LILRB1: variants seen among roughly 807,000 people sequenced by gnomAD.
The protein encoded by LILRB1 is leukocyte immunoglobulin like receptor B1.
Under a neutral mutation model 74.6 loss-of-function variants are expected in LILRB1, and 59 were observed. That is an observed-to-expected ratio of 0.79 (90% CI 0.64 to 0.98). The LOEUF is 0.98. Among genes scored for constraint, LILRB1 ranks in the 50% least tolerant of loss-of-function variants. The pLI, the probability that LILRB1 is intolerant of heterozygous loss-of-function variation, is 0.00. For synonymous variants in LILRB1, 328 were observed against 333.9 expected (o/e 0.98, Z 0.19); for missense variants, 804 against 822.6 (o/e 0.98, Z 0.28).
intron 9 of LILRB1, 182 bp from the exon 10 acceptor site, chr19:54,634,459 C>A: frequency 6.6e-7 from 1 of 1,510,526 alleles, no homozygotes; most frequent in East Asian, 2.5e-5. Flanking sequence ...GGGCCCCGGG[C>A]AGGCGATTCC....
chr19:54,633,544 G>A (rs935243460), intron 7 of LILRB1, 94 bp from the exon 8 acceptor site: 1 of 1,288,056 alleles, frequency 7.8e-7, no homozygotes, highest in Non-Finnish European at 1.1e-6. Context: ...GAGGGGCCTG[G>A]GGAGGCCACA....
chr19:54,631,227 C>G, intron 2 of LILRB1, 44 bp from the exon 3 acceptor site: 1 of 1,321,080 alleles, frequency 7.6e-7, no homozygotes, highest in East Asian at 2.5e-5. Flanking sequence ...GAGGACCTGC[C>G]CAGGCTTCAG....
Position 54,637,047 on chromosome 19 carries a change from T to A in LILRB1, c.*169T>A. ...TATAAATAACTAATGTCTCTACAAT[T>A]TTGAAATAAAGCAACAGACTTCTCA... On this transcript the variant is annotated 3_prime_UTR_variant, in exon 15 of 15. Transcript: ENST00000324602. 2 of 746,184 alleles carry A rather than the reference T, an allele frequency of 2.7e-6. No homozygotes were observed. Among genetic ancestry groups the A allele is most frequent in the Non-Finnish European group, 4.2e-6 (2 of 471,508 alleles). The allele number at this position is 746,184 out of a possible 1,614,324, so 46.2% of individuals were successfully genotyped here.
At chr19:54,632,796 C>T (rs747556441) in intron 6 of LILRB1, 36 bp downstream of exon 6, 15 of 1,610,752 alleles carry the variant, frequency 9.3e-6, no homozygotes, top group African/African-American at 1.3e-5. Flanking sequence ...GGGACCCAGG[C>T]TCCGCACAGG....
chr19:54,618,218 C>T (rs577161961), intron 1 of LILRB1, among the ~76,000 whole-genome samples: 5 of 151,854 alleles, frequency 3.3e-5, no homozygotes, highest in South Asian at 2.1e-4. Flanking sequence ...ATGCCTAATG[C>T]GTCCATGAAT....
chr19:54,625,484 C>G (rs910715039), upstream of LILRB1, among the ~76,000 whole-genome samples: 1 of 152,140 alleles, frequency 6.6e-6, no homozygotes, highest in Non-Finnish European at 1.5e-5. Flanking sequence ...CTCCCTGTGC[C>G]TCTGTAGGCC....
chr19:54,632,938 G>C, intron 6 of LILRB1, 78 bp from the exon 7 acceptor site: 1 of 1,563,934 alleles, frequency 6.4e-7, no homozygotes, highest in Non-Finnish European at 8.7e-7. Context: ...AGACACTGAG[G>C]GTCCCAGAGG....
chr19:54,633,523 G>C (rs147765519), intron 7 of LILRB1, 115 bp from the exon 8 acceptor site: 6 of 1,218,028 alleles, frequency 4.9e-6, no homozygotes, highest in Non-Finnish European at 6.8e-6. Flanking sequence ...GACAGGAGAG[G>C]CGGGTGGAGG....
At chr19:54,623,580 A>G (rs1600320089) in intron 1 of LILRB1, among the ~76,000 whole-genome samples, 1 of 152,066 alleles carries the variant, frequency 6.6e-6, no homozygotes, top group African/African-American at 2.4e-5. Flanking sequence ...CCATCTCTCA[A>G]TTTTATTTAT....
At chr19:54,631,151 C>A (rs2063800940) in intron 2 of LILRB1, 44 bp downstream of exon 2, 1 of 1,613,774 alleles carries the variant, frequency 6.2e-7, no homozygotes, top group African/African-American at 1.3e-5. Flanking sequence ...TAAGAGGGAC[C>A]TCACCCCACA....
At chr19:54,630,867 G>A in intron 1 of LILRB1, 159 bp from the exon 2 acceptor site, 1 of 915,178 alleles carries the variant, frequency 1.1e-6, no homozygotes, top group Non-Finnish European at 1.7e-6. Flanking sequence ...TGATGCAGAG[G>A]GCCTAGTGAC....
rs1568599033 is a variant in LILRB1 at position 54,633,994 on chromosome 19, A to G, written c.1336A>G (p.Thr446Ala). ...AGCAGGCCCTGAGGACCAGCCCCTC[A>G]CCCCCACCGGGTCGGATCCCCAGAG... ...TSAGPEDQPL[T>A]PTGSDPQSGL... The change falls in exon 9 of 15, where the codon ACC (threonine) becomes GCC (alanine). Residue 446 changes from threonine (T) to alanine (A), a missense_variant. Physicochemically the swap from Thr to Ala is moderately conservative, Grantham distance 58. Coordinates refer to ENST00000324602, the MANE Select transcript of LILRB1 (RefSeq NM_001081637.3). The G allele has an allele frequency of 6.3e-7, 1 of 1,597,346 alleles. No homozygotes were observed. Among genetic ancestry groups the G allele is most frequent in the Non-Finnish European group, 8.5e-7 (1 of 1,172,098 alleles).
At chr19:54,633,739 A>T in intron 8 of LILRB1, 51 bp downstream of exon 8, 1 of 1,563,154 alleles carries the variant, frequency 6.4e-7, no homozygotes, top group Non-Finnish European at 8.7e-7. Flanking sequence ...CCCCCAGGGC[A>T]GCCCTGGGTC....
At chr19:54,619,186 G>C (rs187588772) in intron 1 of LILRB1, among the ~76,000 whole-genome samples, 4 of 152,180 alleles carry the variant, frequency 2.6e-5, no homozygotes, top group Admixed American at 6.5e-5. Context: ...AGATGAAAAG[G>C]AAAGTAATTT....
At position 54,631,804 on chromosome 19, in the gene LILRB1, G is replaced by T; in HGVS notation, c.358+17G>T. On this transcript the variant is annotated intron_variant, in intron 4 of 14. Transcript: ENST00000324602. ...TGGTGACAGGTGAGCTGACACTCAG[G>T]GGTCCCAGCCCCAGACTCTGCCCTC... The T allele has an allele frequency of 6.2e-7, 1 of 1,613,328 alleles. No individual in the cohort carries two copies. Among genetic ancestry groups the T allele is most frequent in the Non-Finnish European group, 8.5e-7 (1 of 1,179,410 alleles).
chr19:54,630,111 G>C (rs1482262713), upstream of LILRB1, among the ~76,000 whole-genome samples: 1 of 152,252 alleles, frequency 6.6e-6, no homozygotes, highest in Non-Finnish European at 1.5e-5. Context: ...TCACGAGTGG[G>C]ATTTGTGACA....
In LILRB1 at chr19:54,635,097, C is replaced by T; in HGVS notation, c.1487-7C>T. 2 of 1,546,442 alleles carry T rather than the reference C, an allele frequency of 1.3e-6. No individual in the cohort carries two copies. Among genetic ancestry groups the T allele is most frequent in the East Asian group, 2.3e-5 (1 of 44,110 alleles). On this transcript the variant is annotated splice_region_variant and splice_polypyrimidine_tract_variant and intron_variant, in intron 10 of 14. Coordinates refer to ENST00000324602, the MANE Select transcript of LILRB1 (RefSeq NM_001081637.3). Reference sequence around the variant, plus strand: ...CCAGGGCTGAGGCTCTGTCCTTCTTCCCCCAGCCCAGAGAAAGGCTGATTT... The same window carrying T: ...CCAGGGCTGAGGCTCTGTCCTTCTTTCCCCAGCCCAGAGAAAGGCTGATTT...
At position 54,632,803 on chromosome 19, in the gene LILRB1, C is replaced by G. The variant is rs573213160; in HGVS notation, c.958+43C>G. 5 of 1,558,764 alleles carry G rather than the reference C, an allele frequency of 3.2e-6. No homozygotes were observed. The Admixed American group carries it at 7.0e-5, about 22-fold the overall frequency. On this transcript the variant is annotated intron_variant, in intron 6 of 14. Transcript: ENST00000324602. ...TTCAGTCAGGGACCCAGGCTCCGCA[C>G]AGGCCCTGCCGGGGGAGCTCAGGTA... is the stretch of plus-strand genomic sequence containing the variant.
Position 54,632,814 on chromosome 19 carries a change from G to C in LILRB1, c.958+54G>C, listed in dbSNP as rs576048098. On this transcript the variant is annotated intron_variant, in intron 6 of 14. Coordinates refer to ENST00000324602, the MANE Select transcript of LILRB1 (RefSeq NM_001081637.3). ...ACCCAGGCTCCGCACAGGCCCTGCC[G>C]GGGGAGCTCAGGTAGTGATGGCCGG... is the stretch of plus-strand genomic sequence containing the variant. The C allele has an allele frequency of 3.1e-6, 5 of 1,604,306 alleles. No individual in the cohort carries two copies. The East Asian group carries it at 1.1e-4, about 36-fold the overall frequency.
Sources: gnomAD v4.1 joint callset for allele counts (sites outside exome capture counted in the v4.1 genomes callset) on GRCh38, gnomAD v4.1.1 for gene constraint, MANE v1.5 for transcripts, NCBI Gene and HGNC (gene_info 2026-07-23, HGNC 2026-07-21) for gene names.